Variants in LANCL2 observed in about 807,000 individuals in gnomAD.
The protein encoded by LANCL2 is LanC like glutathione S-transferase 2, also known as lanC-like protein 2.
In LANCL2, 33 loss-of-function variants were observed where a neutral mutation model predicts 56.9. The observed-to-expected ratio is 0.58, with a 90% CI of 0.44 to 0.78. The LOEUF is 0.78. LANCL2 is among the 30% of genes least tolerant of loss of function. The pLI is 0.00. For synonymous variants in LANCL2, 233 were observed against 228.2 expected (o/e 1.02, Z -0.19); for missense variants, 562 against 580.2 (o/e 0.97, Z 0.32).
Position 55,433,238 on chromosome 7 carries a change from GTCCA to G in LANCL2, c.*1923_*1926del, listed in dbSNP as rs1289895415. On this transcript the variant is annotated 3_prime_UTR_variant, in exon 9 of 9. Transcript: ENST00000254770. ...AGGATGCGGGTGTCTCCCCAGGTGA[GTCCA>G]TCCACACACGTTTGAAAAACACTAT... The G allele has an allele frequency of 6.6e-6, 1 of 152,298 alleles. No homozygotes were observed. The highest frequency in any genetic ancestry group is 2.4e-5 in the African/African-American group (1 of 41,452). 9.4% of individuals were successfully genotyped at this position (152,298 alleles called of 1,614,324 possible).
chr7:55,424,873 G>A (rs1790646136), intron 6 of LANCL2, among the ~76,000 whole-genome samples: 1 of 152,190 alleles, frequency 6.6e-6, no homozygotes, highest in Non-Finnish European at 1.5e-5. Context: ...GCAGGAGAGC[G>A]AACCGTATCG....
chr7:55,366,253 A>T (rs769399790), intron 1 of LANCL2, 24 bp downstream of exon 1: 3 of 1,454,756 alleles, frequency 2.1e-6, no homozygotes, highest in African/African-American at 2.9e-5. Flanking sequence ...CTGGCCGCAG[A>T]GGCGCCGGAG....
chr7:55,396,202 G>A (rs1056683650), intron 2 of LANCL2, among the ~76,000 whole-genome samples: 4 of 151,900 alleles, frequency 2.6e-5, no homozygotes, highest in African/African-American at 9.7e-5. Flanking sequence ...CCCAGTCATA[G>A]GGGGCTCTCA....
rs139634558 is a variant in LANCL2, at chr7:55,416,640, A to G, written c.1008+4551A>G. On this transcript the variant is annotated intron_variant, in intron 6 of 8. Transcript: ENST00000254770. The stretch of plus-strand genomic sequence containing the variant: ...TTTATTTTATTTTTGTCTTTTTGCT[A>G]TTTTTGAAAGAATTCTTTATATGTT... Among the ~76,000 whole-genome samples the G allele has an allele frequency of 4.1e-3, 618 of 152,004 alleles. 4 individuals carry two copies. The highest frequency in any genetic ancestry group is 0.015 in the South Asian group (72 of 4,812).
At chr7:55,394,050 G>A (rs957711385) in intron 2 of LANCL2, 2 of 152,182 alleles carry the variant, frequency 1.3e-5, no homozygotes, top group Non-Finnish European at 2.9e-5. Context: ...TACCAAGAGA[G>A]CTTTGTAAGA....
intron 6 of LANCL2, among the ~76,000 whole-genome samples, chr7:55,416,404 A>G (rs989557130): frequency 6.6e-6 from 1 of 151,870 alleles, no homozygotes; most frequent in East Asian, 1.9e-4. Flanking sequence ...TCCCACTTCA[A>G]CCTTCCAAGT....
intron 6 of LANCL2, among the ~76,000 whole-genome samples, chr7:55,423,967 C>T (rs138213649): frequency 3.0e-4 from 46 of 152,246 alleles, no homozygotes; most frequent in Middle Eastern, 6.8e-3. Flanking sequence ...AGACACTGGT[C>T]GCAGTTCTCA....
At chr7:55,416,975 T>TTTTTTG in intron 6 of LANCL2, among the ~76,000 whole-genome samples, 1 of 129,648 alleles carries the variant, frequency 7.7e-6, no homozygotes, top group Admixed American at 7.5e-5. Context: ...GGTGGTTTTT[T>TTTTTTG]TTTTTTTTTT....
At chr7:55,384,082 GA>G (rs907107377) in intron 1 of LANCL2, among the ~76,000 whole-genome samples, 23 of 145,728 alleles carry the variant, frequency 1.6e-4, no homozygotes, top group East Asian at 6.0e-4. Context: ...GTGCAAAACA[GA>G]AAAAAAAAAT....
At chr7:55,378,486 G>A (rs542218599) in intron 1 of LANCL2, among the ~76,000 whole-genome samples, 45 of 151,594 alleles carry the variant, frequency 3.0e-4, no homozygotes, top group Non-Finnish European at 4.3e-4. Context: ...GTGTGTGTGC[G>A]TATATATATG....
rs1790174235 is a variant in LANCL2 at position 55,390,469 on chromosome 7, G to A, written c.205-1324G>A. 2.0e-5 allele frequency among the ~76,000 whole-genome samples: 3 copies of A among 152,296 alleles called. No homozygotes were observed. In the East Asian group the frequency reaches 5.8e-4, roughly 29 times the overall value. ...AAAAATACAAAAATTAGTCGGGTGT[G>A]GTGGCGGGTGCTTGTAATCCCAGTT... On this transcript the variant is annotated intron_variant, in intron 1 of 8. Transcript: ENST00000254770.
At chr7:55,380,334 A>T (rs1218433744) in intron 1 of LANCL2, among the ~76,000 whole-genome samples, 1 of 152,064 alleles carries the variant, frequency 6.6e-6, no homozygotes, top group East Asian at 1.9e-4. Context: ...TCAATGACTT[A>T]AAAATGTAGA....
At chr7:55,413,867 C>T (rs1442984096) in intron 6 of LANCL2, among the ~76,000 whole-genome samples, 1 of 152,194 alleles carries the variant, frequency 6.6e-6, no homozygotes, top group East Asian at 1.9e-4. Flanking sequence ...ATATCAGAAT[C>T]TTCTGGGGGT....
intron 1 of LANCL2, among the ~76,000 whole-genome samples, chr7:55,386,284 C>T (rs1373975335): frequency 1.3e-5 from 2 of 152,148 alleles, no homozygotes; most frequent in African/African-American, 4.8e-5. Context: ...GAAGTCTTTA[C>T]AATTTATGTT....
chr7:55,425,541 G>T, intron 7 of LANCL2, 111 bp downstream of exon 7: 1 of 984,338 alleles, frequency 1.0e-6, no homozygotes, highest in Admixed American at 2.4e-5. Flanking sequence ...TCCCAGTTCT[G>T]TAGCTTCCTC....
intron 6 of LANCL2, 93 bp downstream of exon 6, chr7:55,412,182 G>A: frequency 1.7e-6 from 2 of 1,166,086 alleles, no homozygotes; most frequent in South Asian, 1.5e-5. Flanking sequence ...CCATTTGACT[G>A]TACACTAAAA....
In LANCL2 at chr7:55,365,705, CG is replaced by C. The variant is rs1241458046; in HGVS notation, c.-317del. On this transcript the variant is annotated 5_prime_UTR_variant, in exon 1 of 9. Coordinates refer to ENST00000254770, the MANE Select transcript of LANCL2 (RefSeq NM_018697.4). ...CGCCGCGGACGGGCTCTGCGGGCCACGGGGAAGGTGCGAGGAGGCGCGAGCA... is the reference window on the plus strand; with the variant it reads ...CGCCGCGGACGGGCTCTGCGGGCCACGGGAAGGTGCGAGGAGGCGCGAGCA... The C allele has an allele frequency of 1.7e-5, 4 of 238,246 alleles. No individual in the cohort carries two copies. The highest frequency in any genetic ancestry group is 4.5e-5 in the African/African-American group (2 of 44,580). 14.8% of individuals were successfully genotyped at this position (238,246 alleles called of 1,614,324 possible).
rs773505370 is a variant in LANCL2 at position 55,398,585 on chromosome 7, A to T, written c.485A>T (p.Tyr162Phe). The T allele has an allele frequency of 1.9e-6, 3 of 1,614,132 alleles. No homozygotes were observed. Among genetic ancestry groups the T allele is most frequent in the Admixed American group, 1.7e-5 (1 of 60,036 alleles). Reference protein sequence around the residue: ...AGPLAVGAVIYHKLRSDCESQ... With the variant: ...AGPLAVGAVIFHKLRSDCESQ... The stretch of plus-strand genomic sequence containing the variant: ...CCCCTGGCTGTTGGAGCTGTGATTT[A>T]TCACAAACTCAGAAGTGACTGTGAG... The change falls in exon 3 of 9, where the codon TAT (tyrosine) becomes TTT (phenylalanine). Residue 162 changes from tyrosine (Y) to phenylalanine (F), a missense_variant. By Grantham distance (22) the Tyr-to-Phe change is conservative. Around this residue, in one of 2 missense-constraint regions of LANCL2, gnomAD observed 378 missense variants for 468.4 expected, o/e 0.81. Transcript: ENST00000254770.
At chr7:55,393,581 A>G (rs1270708020) in intron 2 of LANCL2, among the ~76,000 whole-genome samples, 1 of 152,154 alleles carries the variant, frequency 6.6e-6, no homozygotes, top group African/African-American at 2.4e-5. Flanking sequence ...CAGCATAGAC[A>G]GAGATATACA....
Sources: gnomAD v4.1 joint callset for allele counts (sites outside exome capture counted in the v4.1 genomes callset) on GRCh38, gnomAD v4.1.1 for gene constraint, gnomAD v4.1.1 regional missense constraint, MANE v1.5 for transcripts, NCBI Gene and HGNC (gene_info 2026-07-23, HGNC 2026-07-21) for gene names.